EPHA5: variants seen among roughly 807,000 people sequenced by gnomAD.
EPHA5 encodes EPH receptor A5, also known as ephrin type-A receptor 5.
A neutral mutation model predicts 105.0 loss-of-function variants in EPHA5; 60 were observed. The observed-to-expected ratio is 0.57, with a 90% confidence interval of 0.46 to 0.71. The LOEUF (loss-of-function observed/expected upper bound fraction) is 0.71, where lower values mean the gene tolerates loss of function less well. EPHA5 is among the 30% of genes least tolerant of loss of function. EPHA5 has a pLI of 0.00. For synonymous variants in EPHA5, 513 were observed against 449.1 expected, an observed-to-expected ratio of 1.14 and a Z score of -1.80; for missense variants, 1,218 against 1,274.7, an observed-to-expected ratio of 0.96 and a Z score of 0.68.
In EPHA5 at chr4:65,643,379, G is replaced by A. The variant is rs760211156; in HGVS notation, c.230C>T (p.Ala77Val). The change falls in exon 2 of 17, where the codon GCT (alanine) becomes GTT (valine). Residue 77 changes from alanine (A) to valine (V), a missense_variant. Physicochemically the swap from Ala to Val is moderately conservative, Grantham distance 64 (BLOSUM62 0). Around this residue, in one of 3 missense-constraint regions of EPHA5, gnomAD observed 233 missense variants for 227.5 expected, o/e 1.02. Transcript: ENST00000613740. Reference sequence around the variant, plus strand: ...AAAACTTACCCCATTTTTTGGAAAAGCAATCCATCCCAGGTCCCCCATGAC... The same window carrying A: ...AAAACTTACCCCATTTTTTGGAAAAACAATCCATCCCAGGTCCCCCATGAC... ...RTVMGDLGWI[A>V]FPKNGWEEIG... is the part of the protein sequence containing the mutation. The A allele has an allele frequency of 6.2e-7, 1 of 1,612,702 alleles. No homozygotes were observed.
intron 8 of EPHA5, among the ~76,000 whole-genome samples, chr4:65,370,825 T>C (rs1460302385): frequency 6.6e-6 from 1 of 152,072 alleles, no homozygotes; most frequent in Non-Finnish European, 1.5e-5. Flanking sequence ...CATATCACAT[T>C]AACGTATGGA....
rs1256578312 is a variant in EPHA5, at chr4:65,670,058, T to G, written c.-316A>C. Reference sequence around the variant, plus strand: ...GTTCCTTTGCCTTTCAAAAAGACTTTTTACGGATTGAGAATTTTTAAATAC... The same window carrying G: ...GTTCCTTTGCCTTTCAAAAAGACTTGTTACGGATTGAGAATTTTTAAATAC... On this transcript the variant is annotated 5_prime_UTR_variant, in exon 1 of 17. Coordinates refer to ENST00000613740, the MANE Select transcript of EPHA5 (RefSeq NM_001281766.3). The G allele has an allele frequency of 2.9e-6, 1 of 349,858 alleles. No individual in the cohort carries two copies. Among genetic ancestry groups the G allele is most frequent in the East Asian group, 4.2e-5 (1 of 23,596 alleles). 21.7% of individuals were successfully genotyped at this position (349,858 alleles called of 1,614,324 possible).
At chr4:65,422,375 G>T (rs1724024974) in intron 5 of EPHA5, among the ~76,000 whole-genome samples, 1 of 152,034 alleles carries the variant, frequency 6.6e-6, no homozygotes, top group Non-Finnish European at 1.5e-5. Flanking sequence ...ACTGTAACCA[G>T]GTTTGTCAGC....
intron 1 of EPHA5, among the ~76,000 whole-genome samples, chr4:65,665,907 T>G (rs1486293379): frequency 2.0e-5 from 3 of 152,178 alleles, no homozygotes; most frequent in Non-Finnish European, 4.4e-5. Context: ...TGTTCAGTAA[T>G]GTCCTGGTGA....
At position 65,363,385 on chromosome 4, in the gene EPHA5, T is replaced by C. The variant is rs1577920405; in HGVS notation, c.2173+1632A>G. 2.6e-5 allele frequency among the ~76,000 whole-genome samples: 4 copies of C among 151,744 alleles called. No homozygotes were observed. In the South Asian group the frequency reaches 6.2e-4, roughly 24 times the overall value. ...ATGTGCAAAACCACATAATTGTTTA[T>C]ATTCAAATTAAAATTCAATTGCATC... On this transcript the variant is annotated intron_variant, in intron 11 of 16. Coordinates refer to ENST00000613740, the MANE Select transcript of EPHA5 (RefSeq NM_001281766.3).
chr4:65,333,528 AGAGTGTGTGTCT>A (rs1429083081), intron 15 of EPHA5, among the ~76,000 whole-genome samples: 1 of 96,044 alleles, frequency 1.0e-5, no homozygotes, highest in Non-Finnish European at 2.0e-5. Context: ...TGTGCGTGTG[AGAGTGTGTGTCT>A]GTGTGTGTGT....
rs375626735 is a variant in EPHA5 at position 65,488,947 on chromosome 4, G to A, written c.1402+1430C>T. ...GTTGCCCAGGCTGGAGCTCAGTGGCGCGATCTCGGCTCACTGCAAGCTCCT... is the reference window on the plus strand; with the variant it reads ...GTTGCCCAGGCTGGAGCTCAGTGGCACGATCTCGGCTCACTGCAAGCTCCT... On this transcript the variant is annotated intron_variant, in intron 5 of 16. Transcript: ENST00000613740. Among the ~76,000 whole-genome samples the A allele has an allele frequency of 7.5e-4, 106 of 141,048 alleles. 2 individuals carry two copies. In the South Asian group the frequency reaches 0.022, roughly 29 times the overall value. The allele number at this position is 141,048 out of a possible 152,430, so 92.5% of individuals were successfully genotyped here.
chr4:65,656,667 G>A (rs1749093073), intron 1 of EPHA5, among the ~76,000 whole-genome samples: 1 of 149,784 alleles, frequency 6.7e-6, no homozygotes, highest in South Asian at 2.1e-4. Flanking sequence ...AAGCTGAAGT[G>A]AAGAGGAGTG....
At chr4:65,631,196 G>T (rs74944857) in intron 2 of EPHA5, among the ~76,000 whole-genome samples, 33,842 of 151,896 alleles carry the variant, frequency 0.22, 4,826 homozygotes, top group Middle Eastern at 0.38. Flanking sequence ...AACATTCCCT[G>T]CCTTCACTGT....
intron 3 of EPHA5, among the ~76,000 whole-genome samples, chr4:65,529,190 G>GA (rs34617922): frequency 0.28 from 41,710 of 151,426 alleles, 5,857 homozygotes; most frequent in Middle Eastern, 0.34. Context: ...AAACTTTTAT[G>GA]AAAAAAAATA....
chr4:65,576,063 GAAAAGAAAAGAAAAGA>G (rs1740949216), intron 3 of EPHA5, among the ~76,000 whole-genome samples: 2 of 56,050 alleles, frequency 3.6e-5, no homozygotes, highest in African/African-American at 1.4e-4. Context: ...AGAAAGAAAA[GAAAAGAAAAGAAAAGA>G]AAAGAAAAGA....
At chr4:65,485,851 A>C (rs1363424802) in intron 5 of EPHA5, among the ~76,000 whole-genome samples, 7 of 152,150 alleles carry the variant, frequency 4.6e-5, no homozygotes, top group Non-Finnish European at 2.9e-5. Context: ...CAGAACCACA[A>C]ACTTTCTAAC....
chr4:65,571,900 C>T (rs949389376), intron 3 of EPHA5, among the ~76,000 whole-genome samples: 1 of 151,914 alleles, frequency 6.6e-6, no homozygotes, highest in East Asian at 1.9e-4. Flanking sequence ...TAGAGCATGC[C>T]TTCCAAAAAC....
At position 65,348,811 on chromosome 4, in the gene EPHA5, A is replaced by ATTTTTT. The variant is rs1237822654; in HGVS notation, c.2446-609_2446-608insAAAAAA. On this transcript the variant is annotated intron_variant, in intron 13 of 16. Coordinates refer to ENST00000613740, the MANE Select transcript of EPHA5 (RefSeq NM_001281766.3). ...TGTGTGTGTATATATATATATATAT[A>ATTTTTT]TATATTTTTTTTTTTTTTTTTTGAG... 3.7e-3 allele frequency among the ~76,000 whole-genome samples: 208 copies of ATTTTTT among 56,398 alleles called. 4 individuals carry two copies. Among genetic ancestry groups the ATTTTTT allele is most frequent in the East Asian group, 8.8e-3 (17 of 1,924 alleles). The allele number at this position is 56,398 out of a possible 152,430, so 37.0% of individuals were successfully genotyped here. A position where few individuals can be genotyped will look rare whatever the true frequency, so the allele number is the denominator to read the frequency against.
rs558817647 is a variant in EPHA5 at position 65,343,685 on chromosome 4, G to T, written c.2595+4369C>A. 5.9e-5 allele frequency among the ~76,000 whole-genome samples: 9 copies of T among 152,274 alleles called. No individual in the cohort carries two copies. The South Asian group carries it at 1.7e-3, about 28-fold the overall frequency. On this transcript the variant is annotated intron_variant, in intron 14 of 16. Transcript: ENST00000613740. ...GAAATTAAGGCATAGGAAATTTAAT[G>T]CTGTATCTGAAAACTAAAATGCCAC...
chr4:65,327,933 T>C (rs1292429309), intron 16 of EPHA5, among the ~76,000 whole-genome samples: 1 of 151,174 alleles, frequency 6.6e-6, no homozygotes, highest in Non-Finnish European at 1.5e-5. Flanking sequence ...TTACATAAAT[T>C]TGATGAAAAT....
At chr4:65,580,029 A>G (rs372080487) in intron 3 of EPHA5, among the ~76,000 whole-genome samples, 22 of 151,950 alleles carry the variant, frequency 1.4e-4, no homozygotes, top group African/African-American at 5.1e-4. Flanking sequence ...TATGCATACA[A>G]CAGAGTGCTG....
At chr4:65,419,816 G>T (rs541561273) in intron 6 of EPHA5, among the ~76,000 whole-genome samples, 15 of 152,200 alleles carry the variant, frequency 9.9e-5, no homozygotes, top group African/African-American at 2.9e-4. Context: ...TCAGAAAAGA[G>T]GAAAAGAGTT....
chr4:65,525,257 T>C (rs1735121564), intron 3 of EPHA5, among the ~76,000 whole-genome samples: 1 of 151,730 alleles, frequency 6.6e-6, no homozygotes, highest in Non-Finnish European at 1.5e-5. Context: ...TTTTTAAAGT[T>C]CCCTCTATGA....
Sources: allele counts gnomAD v4.1 joint callset (sites outside exome capture counted in the v4.1 genomes callset), GRCh38; gene constraint gnomAD v4.1.1; regional missense constraint gnomAD v4.1.1; transcripts MANE v1.5; gene names NCBI Gene and HGNC (gene_info 2026-07-23, HGNC 2026-07-21).